SARDH: variants seen among roughly 807,000 people sequenced by gnomAD.
SARDH encodes sarcosine dehydrogenase.
A neutral mutation model predicts 109.1 loss-of-function variants in SARDH; 95 were observed. The ratio of observed to expected loss-of-function variants is 0.87; its 90% CI spans 0.74 to 1.03. The LOEUF (loss-of-function observed/expected upper bound fraction) is 1.03, where lower values mean the gene tolerates loss of function less well. Ranked by LOEUF, SARDH falls within the 50% of genes least tolerant of loss-of-function variation. The pLI, the probability that SARDH is intolerant of heterozygous loss-of-function variation, is 0.00. For synonymous variants in SARDH, 572 were observed against 534.8 expected (o/e 1.07, Z -0.96); for missense variants, 1,267 against 1,287.8 (o/e 0.98, Z 0.25).
rs769656339 is a variant in SARDH, at chr9:133,713,128, AAAG to A, written c.1151-7_1151-5del. On this transcript the variant is annotated splice_polypyrimidine_tract_variant and splice_region_variant and intron_variant, in intron 8 of 20. Transcript: ENST00000439388. ...TTGTGGTCGGGCGTGAAGGATTCTG[AAAG>A]AAGGAGAGAGAGGCCTGGAGTCCCT... 129 of 1,612,276 alleles carry A rather than the reference AAAG, an allele frequency of 8.0e-5. No individual in the cohort carries two copies. Among genetic ancestry groups the A allele is most frequent in the Admixed American group, 2.0e-4 (12 of 59,862 alleles).
chr9:133,685,337 C>A, intron 16 of SARDH, 51 bp from the exon 17 acceptor site: 1 of 1,550,232 alleles, frequency 6.5e-7, no homozygotes, highest in Non-Finnish European at 8.8e-7. Context: ...CGGGTGGGGC[C>A]TGGGCAGGAA....
chr9:133,670,534 T>C (rs998402679), intron 19 of SARDH, 50 bp downstream of exon 19: 2 of 1,536,876 alleles, frequency 1.3e-6, no homozygotes, highest in Non-Finnish European at 1.8e-6. Context: ...CTGCCTGCCC[T>C]GGCTGTAGGC....
At chr9:133,737,427 G>A (rs1258892694) in intron 1 of SARDH, among the ~76,000 whole-genome samples, 1 of 152,170 alleles carries the variant, frequency 6.6e-6, no homozygotes, top group Non-Finnish European at 1.5e-5. Flanking sequence ...GCATGTGTCT[G>A]TACATACCTT....
intron 10 of SARDH, among the ~76,000 whole-genome samples, chr9:133,711,459 A>G (rs573180130): frequency 5.9e-5 from 9 of 152,236 alleles, no homozygotes; most frequent in Middle Eastern, 3.4e-3. Flanking sequence ...CAGTTTTATC[A>G]TTTCCGGGAC....
intron 19 of SARDH, among the ~76,000 whole-genome samples, chr9:133,668,140 G>A (rs1830139061): frequency 6.6e-6 from 1 of 151,870 alleles, no homozygotes; most frequent in Non-Finnish European, 1.5e-5. Context: ...CATGGATGCT[G>A]ACCTGTCTGC....
chr9:133,675,133 C>G (rs889907256), intron 17 of SARDH, among the ~76,000 whole-genome samples: 3 of 152,088 alleles, frequency 2.0e-5, no homozygotes, highest in African/African-American at 7.2e-5. Flanking sequence ...CATCTGAGGT[C>G]AGGAGCTCGA....
rs2131380469 is a variant in SARDH at position 133,690,479 on chromosome 9, C to A, written c.1970G>T (p.Trp657Leu). Residue 657 changes from tryptophan (W) to leucine (L), a missense_variant, in exon 16 of 21, where the codon TGG becomes TTG. Transcript: ENST00000439388. ...CTGCAGCACGGTGGTGATGTGGGAC[C>A]AGTTGTGCTGGGCCACGGCCCCGCC... is the stretch of plus-strand genomic sequence containing the variant. ...AMGGAVAQHN[W>L]SHITTVLQDQ... The A allele has an allele frequency of 1.2e-6, 2 of 1,611,626 alleles. No homozygotes were observed. Among genetic ancestry groups the A allele is most frequent in the South Asian group, 1.1e-5 (1 of 91,082 alleles).
rs140226144 is a variant in SARDH, at chr9:133,677,071, G to A, written c.2164-5374C>T. Among the ~76,000 whole-genome samples the A allele has an allele frequency of 3.4e-3, 512 of 152,196 alleles. 2 individuals are homozygous for A. The highest frequency in any genetic ancestry group is 0.011 in the African/African-American group (441 of 41,506). On this transcript the variant is annotated intron_variant, in intron 17 of 20. Coordinates refer to ENST00000439388, the MANE Select transcript of SARDH (RefSeq NM_001134707.2). ...GGAGAATTGGTTGAACCTGAGAGGC[G>A]GAGGCTGTAGCGAGCCAAGGTCGCC...
intron 16 of SARDH, among the ~76,000 whole-genome samples, chr9:133,685,648 C>T (rs968464389): frequency 1.3e-5 from 2 of 152,164 alleles, no homozygotes; most frequent in Non-Finnish European, 2.9e-5. Context: ...ACCAGGTCCA[C>T]AATCCACAAT....
chr9:133,713,187 C>A, intron 8 of SARDH, 63 bp from the exon 9 acceptor site: 1 of 1,418,344 alleles, frequency 7.1e-7, no homozygotes, highest in South Asian at 1.2e-5. Context: ...GGGGTGAGGT[C>A]TTCCAAGAGA....
At position 133,727,306 on chromosome 9, in the gene SARDH, T is replaced by G. The variant is rs558355001; in HGVS notation, c.915+2459A>C. ...CCCAAGAAGAAAGATGAACCACACGTGAGACCTGAGCCCTCACCTGCCAGC... is the reference window on the plus strand; with the variant it reads ...CCCAAGAAGAAAGATGAACCACACGGGAGACCTGAGCCCTCACCTGCCAGC... On this transcript the variant is annotated intron_variant, in intron 6 of 20. Transcript: ENST00000439388. 9.9e-5 allele frequency among the ~76,000 whole-genome samples: 15 copies of G among 152,266 alleles called. No homozygotes were observed. In the East Asian group the frequency reaches 2.9e-3, roughly 29 times the overall value.
downstream of SARDH, among the ~76,000 whole-genome samples, chr9:133,659,912 G>A (rs901040619): frequency 1.3e-5 from 2 of 152,138 alleles, no homozygotes; most frequent in Non-Finnish European, 2.9e-5. Context: ...CCAGGGTCCT[G>A]CCCAAACACC....
chr9:133,697,748 G>A (rs1258872975), intron 13 of SARDH, among the ~76,000 whole-genome samples: 1 of 151,966 alleles, frequency 6.6e-6, no homozygotes, highest in African/African-American at 2.4e-5. Flanking sequence ...AACAAACTAG[G>A]ACTATAAGGG....
intron 11 of SARDH, among the ~76,000 whole-genome samples, chr9:133,706,082 C>A (rs1386901789): frequency 6.6e-6 from 1 of 152,214 alleles, no homozygotes; most frequent in East Asian, 1.9e-4. Context: ...GAAAGATGCA[C>A]CATACGACCC....
At chr9:133,695,580 C>T (rs1831255896) in intron 14 of SARDH, among the ~76,000 whole-genome samples, 1 of 152,172 alleles carries the variant, frequency 6.6e-6, no homozygotes, top group African/African-American at 2.4e-5. Flanking sequence ...AGGAAGGGTC[C>T]TCTGCAGAGT....
intron 10 of SARDH, among the ~76,000 whole-genome samples, chr9:133,710,869 G>A (rs990540848): frequency 4.6e-5 from 7 of 152,252 alleles, no homozygotes; most frequent in Non-Finnish European, 8.8e-5. Context: ...GCATTAGCCT[G>A]TGTGCCCTGG....
In SARDH at chr9:133,666,898, G is replaced by A; in HGVS notation, c.2496-28C>T. On this transcript the variant is annotated intron_variant, in intron 19 of 20. Transcript: ENST00000439388. The surrounding 1 kb of genome is among the most constrained non-coding windows in gnomAD (Gnocchi z 5.2). ...GGAAGAAGCAGTAGAGAAAGCTGGGGCCCCAGAAACCGCAGGGTGGGGACG... is the reference window on the plus strand; with the variant it reads ...GGAAGAAGCAGTAGAGAAAGCTGGGACCCCAGAAACCGCAGGGTGGGGACG... 6.2e-7 allele frequency: 1 copy of A among 1,611,466 alleles called. No individual in the cohort carries two copies. Among genetic ancestry groups the A allele is most frequent in the African/African-American group, 1.3e-5 (1 of 75,040 alleles).
chr9:133,707,630 C>T (rs1831739965), intron 11 of SARDH, among the ~76,000 whole-genome samples: 1 of 152,198 alleles, frequency 6.6e-6, no homozygotes, highest in Non-Finnish European at 1.5e-5. Context: ...CCCCCGAGCA[C>T]CTCAATGCTC....
At chr9:133,731,776 G>GT (rs1832691146) in intron 3 of SARDH, among the ~76,000 whole-genome samples, 1 of 152,220 alleles carries the variant, frequency 6.6e-6, no homozygotes, top group African/African-American at 2.4e-5. Context: ...AAGTGGGGGT[G>GT]AGAATAGTGT....
Sources: allele counts gnomAD v4.1 joint callset (sites outside exome capture counted in the v4.1 genomes callset), GRCh38; gene constraint gnomAD v4.1.1; non-coding constraint Gnocchi (gnomAD v3.1); transcripts MANE v1.5; gene names NCBI Gene and HGNC (gene_info 2026-07-23, HGNC 2026-07-21).